The following ETS1 variants were observed in gnomAD, a reference collection of about 807,000 sequenced individuals.
ETS1 encodes the protein ETS proto-oncogene 1, transcription factor.
A neutral mutation model predicts 58.6 loss-of-function variants in ETS1; 15 were observed. The observed-to-expected ratio is 0.26, with a 90% CI of 0.17 to 0.39. The LOEUF (loss-of-function observed/expected upper bound fraction) is 0.39. ETS1 is among the 10% of genes least tolerant of loss of function. The pLI is 1.00. For missense variants in ETS1, 417 were observed against 610.5 expected (o/e 0.68, Z 3.34); for synonymous variants, 214 against 218.2 (o/e 0.98, Z 0.17).
chr11:128,472,985 A>T (rs1416441161), intron 8 of ETS1, among the ~76,000 whole-genome samples: 2 of 151,980 alleles, frequency 1.3e-5, no homozygotes, highest in Non-Finnish European at 2.9e-5. Flanking sequence ...AAGTCATCTT[A>T]TTTGTTGTTT....
chr11:128,573,177 G>T, intron 1 of ETS1, 33 bp from the exon 2 acceptor site: 1 of 1,458,260 alleles, frequency 6.9e-7, no homozygotes, highest in Non-Finnish European at 9.4e-7. Context: ...TGAGCCTCTG[G>T]ATGCTCACAG....
intron 3 of ETS1, among the ~76,000 whole-genome samples, chr11:128,539,584 G>A (rs891223020): frequency 6.6e-6 from 1 of 152,198 alleles, no homozygotes; most frequent in Non-Finnish European, 1.5e-5. Flanking sequence ...TTCAAAAACA[G>A]TTGGGCAGTT....
chr11:128,548,299 C>T (rs1461649851), intron 3 of ETS1, among the ~76,000 whole-genome samples: 2 of 151,870 alleles, frequency 1.3e-5, no homozygotes, highest in African/African-American at 4.8e-5. Flanking sequence ...CCACGCCATG[C>T]CTGGTGCTTT....
chr11:128,560,349 G>T (rs1312646962), intron 2 of ETS1, among the ~76,000 whole-genome samples: 1 of 152,224 alleles, frequency 6.6e-6, no homozygotes, highest in South Asian at 2.1e-4. Flanking sequence ...CTGCCCTCAG[G>T]TAATCAGCCT....
chr11:128,573,313 C>A (rs1001577308), intron 1 of ETS1, among the ~76,000 whole-genome samples, 169 bp from the exon 2 acceptor site: 1 of 152,172 alleles, frequency 6.6e-6, no homozygotes, highest in Admixed American at 6.5e-5. Flanking sequence ...CAGTGACTAA[C>A]CCCCAGCACC....
At chr11:128,544,521 T>G (rs1474892242) in intron 3 of ETS1, among the ~76,000 whole-genome samples, 1 of 151,764 alleles carries the variant, frequency 6.6e-6, no homozygotes, top group South Asian at 2.1e-4. Context: ...TCAAAGACAT[T>G]GCAATTCCAT....
intron 2 of ETS1, among the ~76,000 whole-genome samples, chr11:128,567,894 A>G (rs1212809961): frequency 2.6e-5 from 4 of 152,162 alleles, no homozygotes; most frequent in Non-Finnish European, 5.9e-5. Flanking sequence ...TCGGCCTCCT[A>G]AAGTGCTGGG....
intron 2 of ETS1, among the ~76,000 whole-genome samples, chr11:128,564,674 G>A (rs1053151229): frequency 6.6e-6 from 1 of 152,128 alleles, no homozygotes; most frequent in Admixed American, 6.5e-5. Context: ...GAGGTCTTAG[G>A]TGAGAGACAT....
At chr11:128,498,604 G>T (rs1307704698) in intron 3 of ETS1, among the ~76,000 whole-genome samples, 3 of 152,086 alleles carry the variant, frequency 2.0e-5, no homozygotes, top group Admixed American at 6.5e-5. Context: ...AATCAATATG[G>T]CACAAAGCAA....
At chr11:128,556,733 GCTGACCAT>G (rs1864319078) in intron 2 of ETS1, among the ~76,000 whole-genome samples, 2 of 152,142 alleles carry the variant, frequency 1.3e-5, no homozygotes, top group Non-Finnish European at 2.9e-5. Context: ...AGGGCCGAAT[GCTGACCAT>G]CTTGAATTTA....
chr11:128,481,648 G>A, intron 7 of ETS1, among the ~76,000 whole-genome samples: 1 of 152,130 alleles, frequency 6.6e-6, no homozygotes, highest in East Asian at 1.9e-4. Context: ...ATTGTTCAGG[G>A]GTGGTTGATC....
At chr11:128,522,053 C>T (rs1863691834) in intron 3 of ETS1, 1 of 1,503,794 alleles carries the variant, frequency 6.6e-7, no homozygotes, top group South Asian at 1.2e-5. Context: ...TGTTGTTTTT[C>T]TTTTTAATGA....
chr11:128,501,761 T>C (rs574242243), intron 3 of ETS1, among the ~76,000 whole-genome samples: 1 of 152,360 alleles, frequency 6.6e-6, no homozygotes, highest in East Asian at 1.9e-4. Flanking sequence ...CTGACTTTAC[T>C]ATCATTAGAT....
intron 3 of ETS1, among the ~76,000 whole-genome samples, chr11:128,544,535 TTTCCAAGG>T (rs1324733583): frequency 1.3e-5 from 2 of 151,852 alleles, no homozygotes; most frequent in Non-Finnish European, 2.9e-5. Context: ...ATTCCATTCT[TTTCCAAGG>T]CTCTCCCTCT....
chr11:128,507,334 C>T (rs977098484), intron 3 of ETS1, among the ~76,000 whole-genome samples: 6 of 152,270 alleles, frequency 3.9e-5, no homozygotes, highest in South Asian at 2.1e-4. Flanking sequence ...GTTCAGGGAA[C>T]ACACCAGATG....
intron 3 of ETS1, among the ~76,000 whole-genome samples, chr11:128,519,599 A>G (rs561851291): frequency 3.2e-4 from 48 of 152,374 alleles, no homozygotes; most frequent in African/African-American, 1.2e-3. Context: ...AAAAGCAGAC[A>G]GCCCTGGCCA....
intron 1 of ETS1, among the ~76,000 whole-genome samples, chr11:128,580,176 TAAAAAAA>T (rs140049360): frequency 1.2e-4 from 12 of 102,368 alleles, no homozygotes; most frequent in East Asian, 2.7e-4. Flanking sequence ...GTTTGGACAT[TAAAAAAA>T]AAAAAAAAAA....
chr11:128,486,348 T>A (rs1862631163), intron 5 of ETS1, among the ~76,000 whole-genome samples: 1 of 152,210 alleles, frequency 6.6e-6, no homozygotes, highest in Non-Finnish European at 1.5e-5. Context: ...ACTAAGGTTA[T>A]TATTTCAGTA....
chr11:128,585,057 AAAGAAAGAAAGAAAGAAAG>A (rs1864967618), intron 1 of ETS1, among the ~76,000 whole-genome samples: 1 of 23,186 alleles, frequency 4.3e-5, no homozygotes, highest in Non-Finnish European at 7.3e-5. Flanking sequence ...AGAAAGAAAG[AAAGAAAGAAAGAAAGAAAG>A]AGAAAGAAAG....
Sources: allele counts gnomAD v4.1 joint callset (sites outside exome capture counted in the v4.1 genomes callset), GRCh38; gene constraint gnomAD v4.1.1; transcripts MANE v1.5; gene names NCBI Gene and HGNC (gene_info 2026-07-23, HGNC 2026-07-21).